Variants in TAFA1 observed in about 807,000 individuals in gnomAD.
The protein encoded by TAFA1 is TAFA chemokine like family member 1.
TAFA1 carries 4 observed loss-of-function variants against 18.5 expected under a neutral mutation model. The ratio of observed to expected loss-of-function variants is 0.22; its 90% CI spans 0.11 to 0.49. The LOEUF (loss-of-function observed/expected upper bound fraction) is 0.49. Among genes scored for constraint, TAFA1 ranks in the 20% least tolerant of loss-of-function variants. TAFA1 has a pLI of 0.98. For missense variants in TAFA1, 147 were observed against 169.0 expected (o/e 0.87, Z 0.72); for synonymous variants, 56 against 55.2 (o/e 1.01, Z -0.06).
At chr3:68,393,698 G>T (rs1005099822) in intron 2 of TAFA1, among the ~76,000 whole-genome samples, 8 of 152,144 alleles carry the variant, frequency 5.3e-5, no homozygotes, top group Non-Finnish European at 1.2e-4. Context: ...AGGATGCAAA[G>T]CTGATTCAAC....
chr3:68,199,642 A>G (rs930623474), intron 2 of TAFA1, among the ~76,000 whole-genome samples: 14 of 151,632 alleles, frequency 9.2e-5, no homozygotes, highest in Admixed American at 6.6e-4. Context: ...TTAATTTCAA[A>G]TTACACCTGT....
chr3:68,078,771 T>C (rs2064858692), intron 2 of TAFA1, among the ~76,000 whole-genome samples: 1 of 152,170 alleles, frequency 6.6e-6, no homozygotes. Flanking sequence ...TCTAAAATTC[T>C]CTTTTTTTGT....
At chr3:68,272,604 T>C (rs1296869819) in intron 2 of TAFA1, among the ~76,000 whole-genome samples, 1 of 152,164 alleles carries the variant, frequency 6.6e-6, no homozygotes, top group East Asian at 1.9e-4. Context: ...AGAAAGGTAT[T>C]AAGAATACCA....
Position 68,427,610 on chromosome 3 carries a change from G to T in TAFA1, c.259+10190G>T, listed in dbSNP as rs1200002966. On this transcript the variant is annotated intron_variant, in intron 3 of 4. Coordinates refer to ENST00000478136, the MANE Select transcript of TAFA1 (RefSeq NM_213609.4). ...ATTTTAAAAAATTAATGATATATATGTTCCTCCATCCTCTGAAGCTCCTTG... is the reference window on the plus strand; with the variant it reads ...ATTTTAAAAAATTAATGATATATATTTTCCTCCATCCTCTGAAGCTCCTTG... Among the ~76,000 whole-genome samples, 3 of 151,736 alleles carry T rather than the reference G, an allele frequency of 2.0e-5. No individual in the cohort carries two copies. The East Asian group carries it at 5.8e-4, about 29-fold the overall frequency.
intron 2 of TAFA1, among the ~76,000 whole-genome samples, chr3:68,115,052 A>G (rs2065308940): frequency 6.6e-6 from 1 of 152,240 alleles, no homozygotes; most frequent in Non-Finnish European, 1.5e-5. Flanking sequence ...AAGAAAAACA[A>G]GGAAGTGATA....
At chr3:68,206,356 G>A (rs1238941110) in intron 2 of TAFA1, among the ~76,000 whole-genome samples, 1 of 151,672 alleles carries the variant, frequency 6.6e-6, no homozygotes. Flanking sequence ...TGAGATAGAT[G>A]TTTTCTTTTT....
chr3:68,433,958 T>C (rs1234240813), intron 3 of TAFA1, among the ~76,000 whole-genome samples: 2 of 152,210 alleles, frequency 1.3e-5, no homozygotes, highest in Admixed American at 6.6e-5. Context: ...GCATTGTTTA[T>C]GTGTAAAGGA....
chr3:68,466,740 C>T (rs2071892574), intron 3 of TAFA1, among the ~76,000 whole-genome samples: 1 of 152,172 alleles, frequency 6.6e-6, no homozygotes, highest in Admixed American at 6.6e-5. Flanking sequence ...AAGGGGCAGT[C>T]ATACTAAGAT....
At chr3:68,457,898 T>G (rs762748320) in intron 3 of TAFA1, among the ~76,000 whole-genome samples, 16 of 152,152 alleles carry the variant, frequency 1.1e-4, no homozygotes, top group Non-Finnish European at 2.1e-4. Flanking sequence ...ACAAACATCT[T>G]GTGATTCTGA....
chr3:68,018,961 G>A (rs1347966956), intron 2 of TAFA1, among the ~76,000 whole-genome samples: 1 of 152,122 alleles, frequency 6.6e-6, no homozygotes, highest in Non-Finnish European at 1.5e-5. Context: ...AGATGGTACT[G>A]TTATTCCCAT....
At chr3:68,444,426 G>A (rs1249635882) in intron 3 of TAFA1, among the ~76,000 whole-genome samples, 2 of 152,066 alleles carry the variant, frequency 1.3e-5, no homozygotes, top group Middle Eastern at 3.2e-3. Context: ...TTGTCCAGGT[G>A]AAGTCACAAT....
At chr3:68,231,313 C>G in intron 2 of TAFA1, among the ~76,000 whole-genome samples, 1 of 143,272 alleles carries the variant, frequency 7.0e-6, no homozygotes, top group Non-Finnish European at 1.5e-5. Flanking sequence ...TAACACATAT[C>G]TGTCAATCTA....
chr3:68,331,863 T>C (rs867238474), intron 2 of TAFA1, among the ~76,000 whole-genome samples: 16 of 130,122 alleles, frequency 1.2e-4, no homozygotes, highest in Admixed American at 2.4e-4. Flanking sequence ...TTTCTTTTTT[T>C]TTTTTTTTTT....
chr3:68,230,818 C>G (rs1039021217), intron 2 of TAFA1, among the ~76,000 whole-genome samples: 3 of 152,182 alleles, frequency 2.0e-5, no homozygotes, highest in Non-Finnish European at 4.4e-5. Flanking sequence ...GCCAACTTAA[C>G]TGGGGTGAGA....
intron 2 of TAFA1, among the ~76,000 whole-genome samples, chr3:68,194,306 T>A (rs920340480): frequency 1.3e-5 from 2 of 151,746 alleles, no homozygotes; most frequent in African/African-American, 4.8e-5. Flanking sequence ...GAGCAGCATT[T>A]CTATCTACCT....
At chr3:68,056,020 G>T (rs2064532459) in intron 2 of TAFA1, among the ~76,000 whole-genome samples, 1 of 152,116 alleles carries the variant, frequency 6.6e-6, no homozygotes, top group Non-Finnish European at 1.5e-5. Context: ...GCTCATTGAT[G>T]GTACTTGGTC....
chr3:68,042,898 G>GT (rs1175139217), intron 2 of TAFA1, among the ~76,000 whole-genome samples: 2 of 151,710 alleles, frequency 1.3e-5, no homozygotes, highest in African/African-American at 4.8e-5. Context: ...GTTTTGTTTT[G>GT]TTTTTTTGAG....
At chr3:68,042,404 C>T (rs749795774) in intron 2 of TAFA1, among the ~76,000 whole-genome samples, 3 of 152,094 alleles carry the variant, frequency 2.0e-5, no homozygotes, top group African/African-American at 4.8e-5. Flanking sequence ...AATCCCAGCA[C>T]GTTGGGAGGC....
chr3:68,354,131 T>A lies in TAFA1; in HGVS notation c.119-63149T>A, dbSNP rs1020377250. On this transcript the variant is annotated intron_variant, in intron 2 of 4. Coordinates refer to ENST00000478136, the MANE Select transcript of TAFA1 (RefSeq NM_213609.4). The stretch of plus-strand genomic sequence containing the variant: ...AACAACAAAAACTAGACTCTACATT[T>A]TATTTGAATTTCATTTATTTTTCTA... 1.2e-4 allele frequency among the ~76,000 whole-genome samples: 18 copies of A among 147,678 alleles called. 1 individual carries two copies. The highest frequency in any genetic ancestry group is 1.1e-3 in the Admixed American group (16 of 14,560).
Sources: gnomAD v4.1 joint callset for allele counts (sites outside exome capture counted in the v4.1 genomes callset) on GRCh38, gnomAD v4.1.1 for gene constraint, MANE v1.5 for transcripts, NCBI Gene and HGNC (gene_info 2026-07-23, HGNC 2026-07-21) for gene names.